The following CNTNAP2 variants were observed in gnomAD, a reference collection of about 807,000 sequenced individuals.
CNTNAP2 encodes the protein contactin associated protein 2.
CNTNAP2 carries 98 observed loss-of-function variants against 155.2 expected under a neutral mutation model. That is an observed-to-expected ratio of 0.63 (90% CI 0.54 to 0.75). CNTNAP2 has a LOEUF of 0.75. Among genes scored for constraint, CNTNAP2 ranks in the 30% least tolerant of loss-of-function variants. The pLI is 0.00. For missense variants in CNTNAP2, 1,727 were observed against 1,688.1 expected (o/e 1.02, Z -0.40); for synonymous variants, 651 against 631.2 (o/e 1.03, Z -0.47).
chr7:146,125,668 C>T (rs988872459), intron 1 of CNTNAP2, among the ~76,000 whole-genome samples: 5 of 151,152 alleles, frequency 3.3e-5, no homozygotes, highest in Admixed American at 6.6e-5. Context: ...AAAAATGTGC[C>T]GTGGTGGGGT....
chr7:147,046,598 A>G (rs76843829), intron 4 of CNTNAP2, among the ~76,000 whole-genome samples: 9,523 of 152,218 alleles, frequency 0.063, 792 homozygotes, highest in African/African-American at 0.19. Context: ...TGGGGGGGTA[A>G]TAACAAACTA....
At chr7:147,117,334 G>A (rs958619606) in intron 5 of CNTNAP2, among the ~76,000 whole-genome samples, 7 of 152,084 alleles carry the variant, frequency 4.6e-5, no homozygotes, top group African/African-American at 1.2e-4. Flanking sequence ...GAAATCCATG[G>A]GAGAAGCATG....
Position 148,045,053 on chromosome 7 carries a change from G to T in CNTNAP2, c.2383+67064G>T, listed in dbSNP as rs570400299. ...TCTCTGTGAAAGCTCTGAGCAGAAG[G>T]AGAGTTAGGTTCGCGTGTGTTGCTC... On this transcript the variant is annotated intron_variant, in intron 15 of 23. Coordinates refer to ENST00000361727, the MANE Select transcript of CNTNAP2 (RefSeq NM_014141.6). Among the ~76,000 whole-genome samples, 35 of 152,258 alleles carry T rather than the reference G, an allele frequency of 2.3e-4. No individual in the cohort carries two copies. In the East Asian group the frequency reaches 2.9e-3, roughly 13 times the overall value.
At chr7:148,317,484 G>A (rs1461641035) in intron 21 of CNTNAP2, among the ~76,000 whole-genome samples, 1 of 152,116 alleles carries the variant, frequency 6.6e-6, no homozygotes, top group Non-Finnish European at 1.5e-5. Context: ...GCTACTTGAG[G>A]CCAGGAGTTC....
chr7:146,425,534 TA>T (rs769778301), intron 1 of CNTNAP2, among the ~76,000 whole-genome samples: 28 of 152,210 alleles, frequency 1.8e-4, no homozygotes, highest in Non-Finnish European at 2.6e-4. Context: ...AGTACATCAA[TA>T]ATTATTTTTT....
intron 1 of CNTNAP2, among the ~76,000 whole-genome samples, chr7:146,160,265 AC>A (rs1490886828): frequency 1.3e-5 from 2 of 152,204 alleles, no homozygotes; most frequent in African/African-American, 4.8e-5. Context: ...TGACACCCTA[AC>A]ATCACAATTA....
chr7:146,281,980 A>G (rs919860681), intron 1 of CNTNAP2, among the ~76,000 whole-genome samples: 3 of 152,124 alleles, frequency 2.0e-5, no homozygotes, highest in Admixed American at 6.5e-5. Context: ...CCATATGCCT[A>G]TATGCTTTGT....
chr7:147,295,650 A>G (rs1432877958), intron 8 of CNTNAP2, among the ~76,000 whole-genome samples: 4 of 152,202 alleles, frequency 2.6e-5, no homozygotes, highest in African/African-American at 7.2e-5. Flanking sequence ...AGCCTTCAGG[A>G]TACTATTTCT....
chr7:146,530,804 A>T (rs540340045), intron 1 of CNTNAP2, among the ~76,000 whole-genome samples: 1 of 152,222 alleles, frequency 6.6e-6, no homozygotes, highest in South Asian at 2.1e-4. Context: ...CTACTGTAGA[A>T]AGTAGTTTGA....
chr7:147,424,117 C>T (rs1278148342), intron 10 of CNTNAP2, among the ~76,000 whole-genome samples: 2 of 152,188 alleles, frequency 1.3e-5, no homozygotes, highest in Non-Finnish European at 2.9e-5. Flanking sequence ...TGCAATCCTA[C>T]TTCATTCCGC....
intron 14 of CNTNAP2, among the ~76,000 whole-genome samples, chr7:147,910,637 C>T (rs1800046329): frequency 6.6e-6 from 1 of 152,126 alleles, no homozygotes; most frequent in African/African-American, 2.4e-5. Context: ...ACAATCATGG[C>T]AGAAGGCAGA....
chr7:148,337,081 G>A (rs946054098), intron 21 of CNTNAP2, among the ~76,000 whole-genome samples: 4 of 152,086 alleles, frequency 2.6e-5, no homozygotes, highest in South Asian at 2.1e-4. Context: ...AATATTTATC[G>A]ATTGGCCACA....
At chr7:147,864,436 TTA>T (rs1195659167) in intron 13 of CNTNAP2, among the ~76,000 whole-genome samples, 1 of 151,600 alleles carries the variant, frequency 6.6e-6, no homozygotes, top group Non-Finnish European at 1.5e-5. Context: ...CATATGAACT[TTA>T]AAGTAGTTTT....
At chr7:147,432,044 G>GC (rs1183326042) in intron 10 of CNTNAP2, among the ~76,000 whole-genome samples, 16 of 152,184 alleles carry the variant, frequency 1.1e-4, no homozygotes, top group Non-Finnish European at 2.4e-4. Context: ...TCTGACCTGC[G>GC]CCCCTTGTTT....
intron 3 of CNTNAP2, among the ~76,000 whole-genome samples, chr7:146,884,631 G>T (rs951876248): frequency 4.6e-5 from 7 of 152,046 alleles, no homozygotes; most frequent in African/African-American, 1.4e-4. Context: ...TGATGAATAG[G>T]ACATTGCACT....
chr7:146,988,348 T>G (rs1219505662), intron 3 of CNTNAP2, among the ~76,000 whole-genome samples: 1 of 152,126 alleles, frequency 6.6e-6, no homozygotes, highest in East Asian at 1.9e-4. Flanking sequence ...GGTATTTATA[T>G]ATATATATGG....
chr7:147,058,803 C>T (rs1799610384), intron 4 of CNTNAP2, among the ~76,000 whole-genome samples: 2 of 152,186 alleles, frequency 1.3e-5, no homozygotes, highest in African/African-American at 4.8e-5. Context: ...GACGGGGTTT[C>T]ACCATGTTGG....
intron 14 of CNTNAP2, among the ~76,000 whole-genome samples, chr7:147,925,788 T>A (rs1800388342): frequency 6.6e-6 from 1 of 152,216 alleles, no homozygotes; most frequent in South Asian, 2.1e-4. Context: ...AAATGTATAA[T>A]GAAATGCAGC....
At chr7:146,457,877 T>C (rs1033082450) in intron 1 of CNTNAP2, among the ~76,000 whole-genome samples, 3 of 152,100 alleles carry the variant, frequency 2.0e-5, no homozygotes, top group Admixed American at 6.6e-5. Flanking sequence ...TGAGAAAATA[T>C]CAAAAATTAT....
Sources: allele counts gnomAD v4.1 joint callset (sites outside exome capture counted in the v4.1 genomes callset), GRCh38; gene constraint gnomAD v4.1.1; transcripts MANE v1.5; gene names NCBI Gene and HGNC (gene_info 2026-07-23, HGNC 2026-07-21).